Variants in SOS1 observed in about 807,000 individuals in gnomAD.
SOS1 encodes son of sevenless homolog 1.
Under a neutral mutation model 157.6 loss-of-function variants are expected in SOS1, and 25 were observed. The ratio of observed to expected loss-of-function variants is 0.16; its 90% CI spans 0.12 to 0.22. SOS1 has a LOEUF of 0.22. Ranked by LOEUF, SOS1 falls within the 10% of genes least tolerant of loss-of-function variation. The pLI is 1.00. For synonymous variants in SOS1, 528 were observed against 534.0 expected (o/e 0.99, Z 0.16); for missense variants, 1,237 against 1,599.1 (o/e 0.77, Z 3.86).
intron 1 of SOS1, among the ~76,000 whole-genome samples, chr2:39,111,363 T>A (rs1558519031): frequency 6.6e-6 from 1 of 152,230 alleles, no homozygotes; most frequent in Non-Finnish European, 1.5e-5. Flanking sequence ...GAGTGTTTAC[T>A]GTACAATTCT....
At chr2:39,083,435 G>A (rs1377064249) in intron 1 of SOS1, among the ~76,000 whole-genome samples, 2 of 152,098 alleles carry the variant, frequency 1.3e-5, no homozygotes, top group African/African-American at 2.4e-5. Flanking sequence ...GTTGCAAAAC[G>A]CAAACAGAAT....
Position 39,010,896 on chromosome 2 carries a change from C to CTTTTT in SOS1, c.2391-198_2391-194dup, listed in dbSNP as rs72504369. Among the ~76,000 whole-genome samples, 2 of 132,912 alleles carry CTTTTT rather than the reference C, an allele frequency of 1.5e-5. 1 individual carries two copies. Among genetic ancestry groups the CTTTTT allele is most frequent in the Non-Finnish European group, 3.0e-5 (2 of 65,898 alleles). The allele number at this position is 132,912 out of a possible 152,430, so 87.2% of individuals were successfully genotyped here. A position where few individuals can be genotyped will look rare whatever the true frequency, so the allele number is the denominator to read the frequency against. On this transcript the variant is annotated intron_variant, in intron 14 of 22. Coordinates refer to ENST00000402219, the MANE Select transcript of SOS1 (RefSeq NM_005633.4). ...TATTTCCTTATGGATTTTTTTTAAA[C>CTTTTT]TTTTTTTTTTTTTTTTGAGATGGAG...
intron 1 of SOS1, among the ~76,000 whole-genome samples, chr2:39,069,341 C>T (rs1344363073): frequency 6.6e-6 from 1 of 151,728 alleles, no homozygotes; most frequent in Non-Finnish European, 1.5e-5. Context: ...GATTAAACCA[C>T]TGTACTCCAG....
chr2:38,985,511 G>A lies in SOS1; in HGVS notation c.*313C>T, dbSNP rs1386655222. On this transcript the variant is annotated 3_prime_UTR_variant, in exon 23 of 23. Transcript: ENST00000402219. Reference sequence around the variant, plus strand: ...AGACTGTGTTTTCCATCCCTTTAATGATCACTTCACAAAAGATCACTTCAC... The same window carrying A: ...AGACTGTGTTTTCCATCCCTTTAATAATCACTTCACAAAAGATCACTTCAC... 6.1e-6 allele frequency: 2 copies of A among 328,324 alleles called. No individual in the cohort carries two copies. Among genetic ancestry groups the A allele is most frequent in the Non-Finnish European group, 1.2e-5 (2 of 171,200 alleles). The allele number at this position is 328,324 out of a possible 1,614,324, so 20.3% of individuals were successfully genotyped here.
Position 38,983,944 on chromosome 2 carries a change from G to C in SOS1, c.*1880C>G, listed in dbSNP as rs1209740488. 1.3e-5 allele frequency: 2 copies of C among 152,168 alleles called. No individual in the cohort carries two copies. The highest frequency in any genetic ancestry group is 2.9e-5 in the Non-Finnish European group (2 of 68,018). 9.4% of individuals were successfully genotyped at this position (152,168 alleles called of 1,614,324 possible). On this transcript the variant is annotated 3_prime_UTR_variant, in exon 23 of 23. Coordinates refer to ENST00000402219, the MANE Select transcript of SOS1 (RefSeq NM_005633.4). ...CCATCATAGGAATGGTACAGATATT[G>C]AGAAAGGATTCAATTCTAACAAATA... is the stretch of plus-strand genomic sequence containing the variant.
At chr2:39,112,849 G>C (rs1673489815) in intron 1 of SOS1, among the ~76,000 whole-genome samples, 1 of 152,026 alleles carries the variant, frequency 6.6e-6, no homozygotes, top group Admixed American at 6.6e-5. Flanking sequence ...GACCAGCCTG[G>C]GCAACATGGT....
In SOS1 at chr2:39,067,609, A is replaced by T. The variant is rs1178450172; in HGVS notation, c.213+19T>A. The T allele has an allele frequency of 6.2e-7, 1 of 1,610,506 alleles. No individual in the cohort carries two copies. Among genetic ancestry groups the T allele is most frequent in the Non-Finnish European group, 8.5e-7 (1 of 1,176,840 alleles). ...CACAAATTAGATATAAAGTAAATAC[A>T]AGACAACATTTGTCATACCTCTACA... On this transcript the variant is annotated intron_variant, in intron 2 of 22. Transcript: ENST00000402219.
At chr2:39,007,408 A>T (rs1558466374) in intron 15 of SOS1, 3 of 547,026 alleles carry the variant, frequency 5.5e-6, no homozygotes, top group Non-Finnish European at 9.7e-6. Context: ...GTACAGTCAA[A>T]CAATCATTTT....
intron 1 of SOS1, among the ~76,000 whole-genome samples, chr2:39,104,408 A>G (rs1673086465): frequency 6.6e-6 from 1 of 152,266 alleles, no homozygotes; most frequent in Non-Finnish European, 1.5e-5. Flanking sequence ...TTAGAGAAAT[A>G]CAAACCAAAA....
Position 38,984,348 on chromosome 2 carries a change from G to C in SOS1, c.*1476C>G, listed in dbSNP as rs890885132. ...TTAGACTCAGAAGAACAGTACATAC[G>C]CTTTATGAATAATCCATATTATGAT... On this transcript the variant is annotated 3_prime_UTR_variant, in exon 23 of 23. Transcript: ENST00000402219. The C allele has an allele frequency of 1.3e-5, 2 of 152,132 alleles. No homozygotes were observed. The highest frequency in any genetic ancestry group is 2.9e-5 in the Non-Finnish European group (2 of 68,020). 9.4% of individuals were successfully genotyped at this position (152,132 alleles called of 1,614,324 possible).
chr2:39,056,042 A>G (rs1671199769), intron 4 of SOS1, among the ~76,000 whole-genome samples: 1 of 152,236 alleles, frequency 6.6e-6, no homozygotes, highest in South Asian at 2.1e-4. Flanking sequence ...TAGGTGCTGA[A>G]GTAAAACTAT....
chr2:39,045,243 GGAGA>G lies in SOS1; in HGVS notation c.864+5897_864+5900del, dbSNP rs1308718638. ...GAGTGTGAGGGAATGAGAGAGAGAG[GGAGA>G]GAGAGAGAGAGAGAGAGAGAGAGAG... On this transcript the variant is annotated intron_variant, in intron 6 of 22. Coordinates refer to ENST00000402219, the MANE Select transcript of SOS1 (RefSeq NM_005633.4). Among the ~76,000 whole-genome samples, 50 of 83,344 alleles carry G rather than the reference GGAGA, an allele frequency of 6.0e-4. 1 individual carries two copies. The highest frequency in any genetic ancestry group is 1.7e-3 in the South Asian group (5 of 2,972). 54.7% of individuals were successfully genotyped at this position (83,344 alleles called of 152,430 possible). A position where few individuals can be genotyped will look rare whatever the true frequency, so the allele number is the denominator to read the frequency against.
intron 1 of SOS1, among the ~76,000 whole-genome samples, chr2:39,087,600 C>T (rs1398816171): frequency 2.0e-5 from 3 of 152,170 alleles, no homozygotes; most frequent in African/African-American, 7.2e-5. Flanking sequence ...TCAAGCGTCT[C>T]GCCTGAAAAT....
chr2:39,120,806 G>C lies in SOS1; in HGVS notation c.-384C>G, dbSNP rs1326726784. Among the ~76,000 whole-genome samples, 6 of 150,376 alleles carry C rather than the reference G, an allele frequency of 4.0e-5. No individual in the cohort carries two copies. Among genetic ancestry groups the C allele is most frequent in the Non-Finnish European group, 8.9e-5 (6 of 67,468 alleles). Reference sequence around the variant, plus strand: ...GGTCTGGCCCCGCGGCGGAGCTGGCGGCTGGGGGAGGACGTGTGGAGGGAC... The same window carrying C: ...GGTCTGGCCCCGCGGCGGAGCTGGCCGCTGGGGGAGGACGTGTGGAGGGAC... On this transcript the variant is annotated 5_prime_UTR_variant, in exon 1 of 23. Coordinates refer to ENST00000402219, the MANE Select transcript of SOS1 (RefSeq NM_005633.4).
intron 6 of SOS1, among the ~76,000 whole-genome samples, chr2:39,042,840 G>A (rs2124578911): frequency 6.6e-6 from 1 of 150,594 alleles, no homozygotes; most frequent in South Asian, 2.1e-4. Flanking sequence ...TCAATGGACT[G>A]TAACTGAGCA....
chr2:39,117,296 G>A (rs1673688914), intron 1 of SOS1, among the ~76,000 whole-genome samples: 1 of 152,056 alleles, frequency 6.6e-6, no homozygotes, highest in Admixed American at 6.5e-5. Flanking sequence ...CCAAAGTGCT[G>A]GATTACAGGC....
intron 1 of SOS1, among the ~76,000 whole-genome samples, chr2:39,105,149 C>T (rs558623773): frequency 3.9e-5 from 6 of 151,996 alleles, no homozygotes; most frequent in African/African-American, 7.3e-5. Flanking sequence ...ATTACTGAGC[C>T]GTACACAGAA....
At position 39,069,574 on chromosome 2, in the gene SOS1, G is replaced by T. The variant is rs1466398875; in HGVS notation, c.88-1821C>A. On this transcript the variant is annotated intron_variant, in intron 1 of 22. Transcript: ENST00000402219. ...TCATTTTTTATTTTTTTGAGACAGGGTCTCACCCTGTCACCCAGGCTGGAG... is the reference window on the plus strand; with the variant it reads ...TCATTTTTTATTTTTTTGAGACAGGTTCTCACCCTGTCACCCAGGCTGGAG... Among the ~76,000 whole-genome samples the T allele has an allele frequency of 2.6e-5, 4 of 152,094 alleles. No homozygotes were observed. The East Asian group carries it at 7.7e-4, about 29-fold the overall frequency.
chr2:39,000,704 G>A (rs1248886917), intron 17 of SOS1, among the ~76,000 whole-genome samples: 3 of 152,210 alleles, frequency 2.0e-5, no homozygotes, highest in Non-Finnish European at 4.4e-5. Context: ...ACTACACAGT[G>A]CTGTGACTTA....
Sources: gnomAD v4.1 joint callset for allele counts (sites outside exome capture counted in the v4.1 genomes callset) on GRCh38, gnomAD v4.1.1 for gene constraint, MANE v1.5 for transcripts, NCBI Gene and HGNC (gene_info 2026-07-23, HGNC 2026-07-21) for gene names.